The following DENND3 variants were observed in gnomAD, a reference collection of about 807,000 sequenced individuals.
DENND3 encodes DENN domain-containing protein 3.
In DENND3, 88 loss-of-function variants were observed where a neutral mutation model predicts 135.1. The ratio of observed to expected loss-of-function variants is 0.65; its 90% CI spans 0.55 to 0.78. The LOEUF (loss-of-function observed/expected upper bound fraction) is 0.78. Among genes scored for constraint, DENND3 ranks in the 30% least tolerant of loss-of-function variants. DENND3 has a pLI of 0.00. For missense variants in DENND3, 1,392 were observed against 1,688.4 expected (o/e 0.82, Z 3.08); for synonymous variants, 693 against 712.3 (o/e 0.97, Z 0.43).
chr8:141,143,274 A>T (rs936720534), intron 4 of DENND3, among the ~76,000 whole-genome samples: 1 of 152,124 alleles, frequency 6.6e-6, no homozygotes, highest in African/African-American at 2.4e-5. Flanking sequence ...GTTTTTTTTA[A>T]ATTTTTTTTT....
At position 141,182,224 on chromosome 8, in the gene DENND3, C is replaced by T; in HGVS notation, c.2944+1370C>T. On this transcript the variant is annotated intron_variant, in intron 17 of 22. Transcript: ENST00000519811. The surrounding 1 kb of genome is among the most constrained non-coding windows in gnomAD (Gnocchi z 5.9). Reference sequence around the variant, plus strand: ...GCCATGTCCGCGGCTTCACAGAGCACCTGGCCATTCACACACGGAGCTCAT... The same window carrying T: ...GCCATGTCCGCGGCTTCACAGAGCATCTGGCCATTCACACACGGAGCTCAT... 1.2e-6 allele frequency: 1 copy of T among 855,434 alleles called. No individual in the cohort carries two copies. The highest frequency in any genetic ancestry group is 1.4e-6 in the Non-Finnish European group (1 of 711,606). The allele number at this position is 855,434 out of a possible 1,614,324, so 53.0% of individuals were successfully genotyped here. A position where few individuals can be genotyped will look rare whatever the true frequency, so the allele number is the denominator to read the frequency against.
chr8:141,136,697 G>A lies in DENND3; in HGVS notation c.291G>A (p.Lys97=), dbSNP rs762444188. ...AGAAGCCCAGACCAGAGCAGTGGAA[G>A]GGCCTCCCGGGGCCCCCCAGAGCGC... ...KREKPRPEQW[K]GLPGPPRAPE... The change falls in exon 2 of 23, where the codon AAG becomes AAA. Residue 97 remains lysine, a synonymous_variant. Coordinates refer to ENST00000519811, the MANE Select transcript of DENND3 (RefSeq NM_001352890.3). 3 of 1,612,516 alleles carry A rather than the reference G, an allele frequency of 1.9e-6. No individual in the cohort carries two copies. Among genetic ancestry groups the A allele is most frequent in the East Asian group, 4.5e-5 (2 of 44,850 alleles).
chr8:141,178,403 C>T (rs1822670272), intron 16 of DENND3, among the ~76,000 whole-genome samples: 1 of 152,270 alleles, frequency 6.6e-6, no homozygotes, highest in South Asian at 2.1e-4. Context: ...GCCCCTTGCG[C>T]ATCCAATTGA....
chr8:141,185,906 C>T (rs940298825), intron 18 of DENND3, among the ~76,000 whole-genome samples: 3 of 151,874 alleles, frequency 2.0e-5, no homozygotes, highest in African/African-American at 7.3e-5. Flanking sequence ...TCTCTGCCTG[C>T]TTATTACAGG....
intron 1 of DENND3, among the ~76,000 whole-genome samples, chr8:141,134,531 C>T (rs889321632): frequency 6.6e-5 from 10 of 151,886 alleles, no homozygotes; most frequent in African/African-American, 2.4e-4. Context: ...GATCTGCCTC[C>T]CAAAGTGCTG....
rs901094541 is a variant in DENND3 at position 141,166,733 on chromosome 8, C to T, written c.1753+344C>T. Among the ~76,000 whole-genome samples, 9 of 152,116 alleles carry T rather than the reference C, an allele frequency of 5.9e-5. No homozygotes were observed. In the East Asian group the frequency reaches 9.6e-4, roughly 16 times the overall value. ...CACACGTGTGATAGGAGGCAGGGAGCGCACCAGGCACTTTCTAGAGCCGGA... is the reference window on the plus strand; with the variant it reads ...CACACGTGTGATAGGAGGCAGGGAGTGCACCAGGCACTTTCTAGAGCCGGA... On this transcript the variant is annotated intron_variant, in intron 12 of 22. Coordinates refer to ENST00000519811, the MANE Select transcript of DENND3 (RefSeq NM_001352890.3). The surrounding 1 kb of genome is among the most constrained non-coding windows in gnomAD (Gnocchi z 4.3).
rs533757159 is a variant in DENND3, at chr8:141,144,368, A to G, written c.735+109A>G. On this transcript the variant is annotated intron_variant, in intron 5 of 22. Transcript: ENST00000519811. This position sits in a 1 kb window ranked among gnomAD's most constrained non-coding sequence, Gnocchi z 4.4. Reference sequence around the variant, plus strand: ...ATTTCTGAAGTTCTAGCTGTTGTAAACCTAAAATAACATCCTAACCCCCCC... The same window carrying G: ...ATTTCTGAAGTTCTAGCTGTTGTAAGCCTAAAATAACATCCTAACCCCCCC... 6.6e-6 allele frequency: 7 copies of G among 1,068,012 alleles called. No individual in the cohort carries two copies. Among genetic ancestry groups the G allele is most frequent in the Non-Finnish European group, 9.1e-6 (7 of 768,596 alleles). 66.2% of individuals were successfully genotyped at this position (1,068,012 alleles called of 1,614,324 possible). A position where few individuals can be genotyped will look rare whatever the true frequency, so the allele number is the denominator to read the frequency against.
At chr8:141,169,599 G>A (rs899875601) in intron 13 of DENND3, among the ~76,000 whole-genome samples, 22 of 152,180 alleles carry the variant, frequency 1.4e-4, no homozygotes, top group African/African-American at 4.1e-4. Flanking sequence ...CGGGGGCTCC[G>A]TGTGCCTCTC....
At chr8:141,190,617 T>C in intron 20 of DENND3, 200 bp downstream of exon 20, 2 of 737,668 alleles carry the variant, frequency 2.7e-6, no homozygotes, top group South Asian at 2.4e-5. Context: ...GGCCTCCCTC[T>C]GCCTTTCTAC....
At chr8:141,179,729 C>T (rs1822847187) in intron 16 of DENND3, among the ~76,000 whole-genome samples, 1 of 152,260 alleles carries the variant, frequency 6.6e-6, no homozygotes, top group Non-Finnish European at 1.5e-5. Flanking sequence ...CGACCCCTTG[C>T]TGACAGTGTG....
intron 19 of DENND3, among the ~76,000 whole-genome samples, 161 bp from the exon 20 acceptor site, chr8:141,190,123 G>A (rs927063760): frequency 3.8e-5 from 5 of 131,462 alleles, no homozygotes; most frequent in Non-Finnish European, 6.6e-5. Context: ...TGCAGGTTAC[G>A]TTTGCAGGTT....
Position 141,146,579 on chromosome 8 carries a change from A to T in DENND3, c.735+2320A>T, listed in dbSNP as rs1178977307. Among the ~76,000 whole-genome samples the T allele has an allele frequency of 2.6e-5, 4 of 152,282 alleles. No homozygotes were observed. The highest frequency in any genetic ancestry group is 4.1e-4 in the South Asian group (2 of 4,822). ...TGAAAGATTATACGTATTAATCTTG[A>T]TCTTCTACATTTTTCTTTACTGACA... On this transcript the variant is annotated intron_variant, in intron 5 of 22. Coordinates refer to ENST00000519811, the MANE Select transcript of DENND3 (RefSeq NM_001352890.3). This position sits in a 1 kb window ranked among gnomAD's most constrained non-coding sequence, Gnocchi z 4.3.
chr8:141,150,695 A>G, intron 5 of DENND3, 139 bp from the exon 6 acceptor site: 1 of 1,123,542 alleles, frequency 8.9e-7, no homozygotes, highest in Non-Finnish European at 1.2e-6. Context: ...GTTATTCTGC[A>G]GAATTTAACG....
At position 141,154,241 on chromosome 8, in the gene DENND3, G is replaced by A. The variant is rs1400389652; in HGVS notation, c.1075-1608G>A. On this transcript the variant is annotated intron_variant, in intron 7 of 22. Transcript: ENST00000519811. The surrounding 1 kb of genome is among the most constrained non-coding windows in gnomAD (Gnocchi z 4.4). ...CCCCAGGAACCTGGCATTGCATTCC[G>A]GGGCTGTTGAAGTGCAGGGCTCGGG... Among the ~76,000 whole-genome samples the A allele has an allele frequency of 1.3e-5, 2 of 152,214 alleles. No individual in the cohort carries two copies. Among genetic ancestry groups the A allele is most frequent in the East Asian group, 1.9e-4 (1 of 5,202 alleles).
intron 5 of DENND3, among the ~76,000 whole-genome samples, chr8:141,147,686 C>T (rs965073885): frequency 6.6e-6 from 1 of 152,224 alleles, no homozygotes; most frequent in Admixed American, 6.5e-5. Flanking sequence ...GTAATTAGGG[C>T]TTCTGTGCAT....
In DENND3 at chr8:141,141,520, G is replaced by C; in HGVS notation, c.623+196G>C. The C allele has an allele frequency of 1.6e-6, 1 of 619,810 alleles. No individual in the cohort carries two copies. The allele number at this position is 619,810 out of a possible 1,614,324, so 38.4% of individuals were successfully genotyped here. On this transcript the variant is annotated intron_variant, in intron 4 of 22. Transcript: ENST00000519811. The surrounding 1 kb of genome is among the most constrained non-coding windows in gnomAD (Gnocchi z 5.3). Reference sequence around the variant, plus strand: ...CTCTTAGGCTGTTGCTTAAGGCTGGGGGCAGTGGGCAGGGGGTGTGGCAGC... The same window carrying C: ...CTCTTAGGCTGTTGCTTAAGGCTGGCGGCAGTGGGCAGGGGGTGTGGCAGC...
At position 141,141,578 on chromosome 8, in the gene DENND3, T is replaced by C. The variant is rs1201829876; in HGVS notation, c.623+254T>C. ...CCTCTCTGTGACTGGTAACATACGG[T>C]AATGGCATGGTAGGAAAGGGATGAA... is the stretch of plus-strand genomic sequence containing the variant. On this transcript the variant is annotated intron_variant, in intron 4 of 22. Transcript: ENST00000519811. The surrounding 1 kb of genome is among the most constrained non-coding windows in gnomAD (Gnocchi z 5.3). The C allele has an allele frequency of 5.9e-6, 3 of 510,800 alleles. No individual in the cohort carries two copies. The highest frequency in any genetic ancestry group is 1.1e-5 in the Non-Finnish European group (3 of 283,288). 31.6% of individuals were successfully genotyped at this position (510,800 alleles called of 1,614,324 possible).
intron 18 of DENND3, among the ~76,000 whole-genome samples, chr8:141,187,070 T>G (rs1823985050): frequency 6.7e-6 from 1 of 150,016 alleles, no homozygotes; most frequent in African/African-American, 2.5e-5. Flanking sequence ...TTTCAAAATA[T>G]TTTCGCATCT....
intron 5 of DENND3, among the ~76,000 whole-genome samples, chr8:141,150,092 A>G (rs555171964): frequency 6.6e-6 from 1 of 152,214 alleles, no homozygotes; most frequent in South Asian, 2.1e-4. Context: ...CTTTGCTTAC[A>G]CTTAGATCCG....
Sources: gnomAD v4.1 joint callset for allele counts (sites outside exome capture counted in the v4.1 genomes callset) on GRCh38, gnomAD v4.1.1 for gene constraint, Gnocchi (gnomAD v3.1) non-coding constraint, MANE v1.5 for transcripts, NCBI Gene and HGNC (gene_info 2026-07-23, HGNC 2026-07-21) for gene names.